ALCAM: variants seen among roughly 807,000 people sequenced by gnomAD.
ALCAM encodes the protein CD166 antigen.
A neutral mutation model predicts 70.9 loss-of-function variants in ALCAM; 30 were observed. The ratio of observed to expected loss-of-function variants is 0.42; its 90% confidence interval spans 0.32 to 0.57. The LOEUF is 0.57. ALCAM is among the 20% of genes least tolerant of loss of function. ALCAM has a pLI of 0.11. For synonymous variants in ALCAM, 249 were observed against 242.5 expected, an observed-to-expected ratio of 1.03 and a Z score of -0.25; for missense variants, 591 against 695.1, an observed-to-expected ratio of 0.85 and a Z score of 1.68.
At chr3:105,401,098 T>C (rs758296032) in intron 1 of ALCAM, among the ~76,000 whole-genome samples, 2 of 152,196 alleles carry the variant, frequency 1.3e-5, no homozygotes, top group African/African-American at 4.8e-5. Flanking sequence ...TCCATGGAAG[T>C]TGAACCTAGA....
intron 1 of ALCAM, among the ~76,000 whole-genome samples, chr3:105,495,644 C>CTTAATATATCTTTGTTATATA (rs1419295111): frequency 6.6e-6 from 1 of 152,130 alleles, no homozygotes; most frequent in Non-Finnish European, 1.5e-5. Flanking sequence ...GTATGCAAAG[C>CTTAATATATCTTTGTTATATA]ACGGTGGAAT....
chr3:105,545,321 G>A lies in ALCAM; in HGVS notation c.1090G>A (p.Val364Met), dbSNP rs762013509. Residue 364 changes from valine (V) to methionine (M), a missense_variant, in exon 9 of 16, where the codon GTG becomes ATG. Physicochemically the swap from Val to Met is conservative, Grantham distance 21. This residue lies in a region of ALCAM where 427 missense variants were observed against 450.4 expected (regional missense o/e 0.95). Transcript: ENST00000306107. ...AATATCTGCTAGCAGGAATGCAACT[G>A]TGGTATGGATGAAAGTAAGTAATAT... ...CTISASRNAT[V>M]VWMKDNIRLR... The A allele has an allele frequency of 1.2e-6, 2 of 1,606,888 alleles. No homozygotes were observed. Among genetic ancestry groups the A allele is most frequent in the Non-Finnish European group, 8.5e-7 (1 of 1,174,552 alleles).
intron 1 of ALCAM, among the ~76,000 whole-genome samples, chr3:105,427,635 C>T (rs1421045696): frequency 1.3e-5 from 2 of 152,024 alleles, no homozygotes; most frequent in Admixed American, 6.6e-5. Context: ...CTCTTAACCC[C>T]TGAGCTTCCA....
At chr3:105,488,955 A>G (rs745581852) in intron 1 of ALCAM, among the ~76,000 whole-genome samples, 3 of 152,190 alleles carry the variant, frequency 2.0e-5, no homozygotes, top group Non-Finnish European at 4.4e-5. Flanking sequence ...ATACTAAACC[A>G]AGTTGAATAA....
At chr3:105,566,460 A>G (rs1343760605) in intron 14 of ALCAM, among the ~76,000 whole-genome samples, 1 of 152,200 alleles carries the variant, frequency 6.6e-6, no homozygotes. Flanking sequence ...TATCTCTGAT[A>G]ATTATCAATT....
intron 1 of ALCAM, among the ~76,000 whole-genome samples, chr3:105,432,182 C>T (rs765358348): frequency 6.6e-6 from 1 of 152,046 alleles, no homozygotes; most frequent in Non-Finnish European, 1.5e-5. Context: ...TTGACAATTG[C>T]AAAATATACA....
At chr3:105,563,212 A>T (rs1940665276) in intron 14 of ALCAM, among the ~76,000 whole-genome samples, 1 of 151,744 alleles carries the variant, frequency 6.6e-6, no homozygotes, top group African/African-American at 2.4e-5. Context: ...TGCAAAAAAA[A>T]AAAAAAGCCG....
rs180813156 is a variant in ALCAM at position 105,371,442 on chromosome 3, A to G, written c.73+3961A>G. Reference sequence around the variant, plus strand: ...AATTAAGGCTTTTATTATATTGTTAATAGAATAACATTCTTTAATTTATTC... The same window carrying G: ...AATTAAGGCTTTTATTATATTGTTAGTAGAATAACATTCTTTAATTTATTC... On this transcript the variant is annotated intron_variant, in intron 1 of 15. Coordinates refer to ENST00000306107, the MANE Select transcript of ALCAM (RefSeq NM_001627.4). Among the ~76,000 whole-genome samples the G allele has an allele frequency of 3.5e-4, 54 of 152,200 alleles. No individual in the cohort carries two copies. In the East Asian group the frequency reaches 0.01, roughly 29 times the overall value.
chr3:105,371,240 G>A (rs2107316991), intron 1 of ALCAM, among the ~76,000 whole-genome samples: 1 of 152,118 alleles, frequency 6.6e-6, no homozygotes, highest in East Asian at 1.9e-4. Flanking sequence ...GTATTCATGT[G>A]TTCAGTTTCT....
chr3:105,477,175 G>A (rs1938143041), intron 1 of ALCAM, among the ~76,000 whole-genome samples: 2 of 151,938 alleles, frequency 1.3e-5, no homozygotes, highest in Non-Finnish European at 2.9e-5. Flanking sequence ...TAATACAAAT[G>A]TATATGTATT....
chr3:105,564,627 G>A (rs1482450512), intron 14 of ALCAM, among the ~76,000 whole-genome samples: 1 of 152,128 alleles, frequency 6.6e-6, no homozygotes, highest in Non-Finnish European at 1.5e-5. Context: ...CAGATTTCTA[G>A]GTTGATACTT....
At chr3:105,368,046 C>G (rs781586644) in intron 1 of ALCAM, among the ~76,000 whole-genome samples, 91 of 151,750 alleles carry the variant, frequency 6.0e-4, no homozygotes, top group Middle Eastern at 3.4e-3. Flanking sequence ...CAACGTTACC[C>G]CCTGCGGTCC....
At chr3:105,489,199 T>C (rs1227069021) in intron 1 of ALCAM, among the ~76,000 whole-genome samples, 1 of 152,186 alleles carries the variant, frequency 6.6e-6, no homozygotes, top group Admixed American at 6.5e-5. Context: ...AATCAATGCA[T>C]CTCAAATTTA....
chr3:105,561,160 A>T (rs1940622465), intron 14 of ALCAM, among the ~76,000 whole-genome samples: 1 of 152,198 alleles, frequency 6.6e-6, no homozygotes, highest in Non-Finnish European at 1.5e-5. Flanking sequence ...TATTATAAAT[A>T]CAATTAATTT....
rs1172241171 is a variant in ALCAM, at chr3:105,541,738, A to G, written c.964A>G (p.Ile322Val). ...TTCCCTGATAGACAAAAAAAGCATG[A>G]TTGCTTCAACAGCTATCACAGTTCA... Reference protein sequence around the residue: ...KCSLIDKKSMIASTAITVHYL... With the variant: ...KCSLIDKKSMVASTAITVHYL... Residue 322 changes from isoleucine to valine, a missense_variant, in exon 8 of 16, where the codon ATT becomes GTT. By Grantham distance (29) the Ile-to-Val change is conservative. Coordinates refer to ENST00000306107, the MANE Select transcript of ALCAM (RefSeq NM_001627.4). The G allele has an allele frequency of 6.2e-7, 1 of 1,612,292 alleles. No individual in the cohort carries two copies. The highest frequency in any genetic ancestry group is 8.5e-7 in the Non-Finnish European group (1 of 1,178,798).
intron 1 of ALCAM, chr3:105,513,184 T>C (rs1286993027): frequency 2.0e-5 from 3 of 151,670 alleles, no homozygotes; most frequent in Admixed American, 6.6e-5. Flanking sequence ...ACTTAGCATG[T>C]TGGCATAGAC....
chr3:105,370,021 G>A (rs574649342), intron 1 of ALCAM, among the ~76,000 whole-genome samples: 3 of 152,170 alleles, frequency 2.0e-5, no homozygotes, highest in African/African-American at 7.2e-5. Flanking sequence ...AAGGAGATGG[G>A]GCGCTGCAGT....
intron 1 of ALCAM, among the ~76,000 whole-genome samples, chr3:105,450,752 CAT>C (rs987937811): frequency 6.6e-6 from 1 of 151,950 alleles, no homozygotes. Context: ...ACGAAGAAAA[CAT>C]ATAATTCACT....
At chr3:105,547,664 T>A in intron 11 of ALCAM, 141 bp downstream of exon 11, 1 of 1,018,390 alleles carries the variant, frequency 9.8e-7, no homozygotes, top group Non-Finnish European at 1.4e-6. Flanking sequence ...GAATTTGCAG[T>A]ACATGCTCAG....
Sources: allele counts gnomAD v4.1 joint callset (sites outside exome capture counted in the v4.1 genomes callset), GRCh38; gene constraint gnomAD v4.1.1; regional missense constraint gnomAD v4.1.1; transcripts MANE v1.5; gene names NCBI Gene and HGNC (gene_info 2026-07-23, HGNC 2026-07-21).